Variants in GRID2 observed in about 807,000 individuals in gnomAD.
GRID2 encodes the protein glutamate receptor ionotropic, delta-2.
In GRID2, 33 loss-of-function variants were observed where a neutral mutation model predicts 114.8. The observed-to-expected ratio is 0.29, with a 90% CI of 0.22 to 0.38. The LOEUF is 0.38. Among genes scored for constraint, GRID2 ranks in the 10% least tolerant of loss-of-function variants. The pLI, the probability that GRID2 is intolerant of heterozygous loss-of-function variation, is 1.00. For synonymous variants in GRID2, 505 were observed against 449.9 expected, an observed-to-expected ratio of 1.12 and a Z score of -1.55; for missense variants, 1,184 against 1,257.7, an observed-to-expected ratio of 0.94 and a Z score of 0.89.
In GRID2 at chr4:92,741,264, G is replaced by A. The variant is rs547931865; in HGVS notation, c.244+150978G>A. Among the ~76,000 whole-genome samples the A allele has an allele frequency of 9.2e-4, 140 of 152,188 alleles. 1 individual carries two copies. The highest frequency in any genetic ancestry group is 3.2e-3 in the African/African-American group (133 of 41,538). On this transcript the variant is annotated intron_variant, in intron 2 of 15. Coordinates refer to ENST00000282020, the MANE Select transcript of GRID2 (RefSeq NM_001510.4). ...ATGGTTGTGTGGATTTAATGAACTA[G>A]TATTTATAAGGCACAAGAAACACTG...
chr4:92,970,243 G>A (rs1367025730), intron 2 of GRID2, among the ~76,000 whole-genome samples: 2 of 151,882 alleles, frequency 1.3e-5, no homozygotes, highest in South Asian at 2.1e-4. Flanking sequence ...ACAAATTATC[G>A]TCATTTCAGC....
chr4:92,624,285 C>T (rs1186532789), intron 2 of GRID2, among the ~76,000 whole-genome samples: 3 of 151,756 alleles, frequency 2.0e-5, no homozygotes, highest in African/African-American at 7.2e-5. Flanking sequence ...GAGAGGAACT[C>T]GGGCAGTCTG....
chr4:92,319,627 G>T (rs1726200302), intron 1 of GRID2, among the ~76,000 whole-genome samples: 1 of 152,156 alleles, frequency 6.6e-6, no homozygotes, highest in Non-Finnish European at 1.5e-5. Flanking sequence ...TTAACAAAAT[G>T]TTGTATCTTT....
At chr4:93,652,213 A>G (rs1722639912) in intron 14 of GRID2, among the ~76,000 whole-genome samples, 1 of 152,100 alleles carries the variant, frequency 6.6e-6, no homozygotes. Context: ...GAATACAGAC[A>G]TGCACAGAGG....
intron 1 of GRID2, among the ~76,000 whole-genome samples, chr4:92,539,794 TGAAG>T (rs1725834824): frequency 6.6e-6 from 1 of 151,912 alleles, no homozygotes; most frequent in Admixed American, 6.6e-5. Flanking sequence ...AGTGAAAAAA[TGAAG>T]GAAGAAAGAA....
At chr4:92,971,867 G>T (rs1218697811) in intron 2 of GRID2, among the ~76,000 whole-genome samples, 1 of 152,002 alleles carries the variant, frequency 6.6e-6, no homozygotes, top group Non-Finnish European at 1.5e-5. Context: ...CAAATAATGG[G>T]ATTTCATTTT....
chr4:92,756,746 G>T (rs555221762), intron 2 of GRID2, among the ~76,000 whole-genome samples: 5 of 152,148 alleles, frequency 3.3e-5, no homozygotes, highest in African/African-American at 1.2e-4. Context: ...CCTGTTGGTG[G>T]TTTGCATGCC....
chr4:93,204,176 T>A (rs902537178), intron 4 of GRID2: 5 of 152,204 alleles, frequency 3.3e-5, no homozygotes, highest in African/African-American at 1.2e-4. Context: ...GGGTATTTTT[T>A]AAATTCATTT....
chr4:93,573,770 C>G (rs1226242639), intron 13 of GRID2, among the ~76,000 whole-genome samples: 2 of 152,054 alleles, frequency 1.3e-5, no homozygotes, highest in African/African-American at 4.8e-5. Flanking sequence ...CTTTTGGGAG[C>G]TTTGCAACCT....
chr4:93,298,807 A>G (rs369694037), intron 8 of GRID2, among the ~76,000 whole-genome samples: 4 of 152,218 alleles, frequency 2.6e-5, no homozygotes, highest in African/African-American at 9.6e-5. Flanking sequence ...CTTTCACATT[A>G]ACTTTTGAAA....
chr4:92,945,748 A>T (rs1331286389), intron 2 of GRID2, among the ~76,000 whole-genome samples: 3 of 152,174 alleles, frequency 2.0e-5, no homozygotes, highest in Admixed American at 6.6e-5. Flanking sequence ...GATTTTATTG[A>T]GGATGATGGA....
chr4:92,708,343 T>A (rs917935335), intron 2 of GRID2, among the ~76,000 whole-genome samples: 1 of 152,272 alleles, frequency 6.6e-6, no homozygotes, highest in Admixed American at 6.5e-5. Flanking sequence ...AAATAAAAAA[T>A]CATGTACCTC....
chr4:92,451,786 A>T (rs1029378631), intron 1 of GRID2, among the ~76,000 whole-genome samples: 1 of 152,202 alleles, frequency 6.6e-6, no homozygotes, highest in African/African-American at 2.4e-5. Context: ...GCAGAAGGGT[A>T]TGTTCACAAA....
intron 1 of GRID2, among the ~76,000 whole-genome samples, chr4:92,407,443 TA>T (rs1731084835): frequency 6.6e-6 from 1 of 152,208 alleles, no homozygotes; most frequent in Non-Finnish European, 1.5e-5. Flanking sequence ...TCTGGGTATA[TA>T]CCTAGTAGTG....
intron 1 of GRID2, among the ~76,000 whole-genome samples, chr4:92,450,512 A>C (rs1720843397): frequency 6.6e-6 from 1 of 152,122 alleles, no homozygotes; most frequent in South Asian, 2.1e-4. Context: ...TACAGTGCTC[A>C]TTGAGTTGTA....
At chr4:93,424,218 GAA>G (rs879315631) in intron 10 of GRID2, among the ~76,000 whole-genome samples, 2 of 142,384 alleles carry the variant, frequency 1.4e-5, no homozygotes, top group African/African-American at 2.6e-5. Context: ...GGTACAGAAA[GAA>G]AAAAAAAAAG....
chr4:93,355,915 C>T (rs1409091486), intron 8 of GRID2, among the ~76,000 whole-genome samples: 1 of 151,996 alleles, frequency 6.6e-6, no homozygotes, highest in Non-Finnish European at 1.5e-5. Flanking sequence ...GAATGTAACT[C>T]CAGTTTGTCT....
At chr4:93,675,037 T>C (rs1724730230) in intron 14 of GRID2, among the ~76,000 whole-genome samples, 1 of 152,178 alleles carries the variant, frequency 6.6e-6, no homozygotes, top group South Asian at 2.1e-4. Flanking sequence ...ATAAGCCAAT[T>C]ATGACCAACC....
intron 1 of GRID2, among the ~76,000 whole-genome samples, chr4:92,523,846 G>C (rs184752701): frequency 9.2e-5 from 14 of 151,984 alleles, no homozygotes; most frequent in African/African-American, 2.7e-4. Flanking sequence ...AGAAGGGAAG[G>C]GATAAGGTGG....
Sources: gnomAD v4.1 joint callset for allele counts (sites outside exome capture counted in the v4.1 genomes callset) on GRCh38, gnomAD v4.1.1 for gene constraint, MANE v1.5 for transcripts, NCBI Gene and HGNC (gene_info 2026-07-23, HGNC 2026-07-21) for gene names.